Variants in CACNA1C observed in about 807,000 individuals in gnomAD.
The protein encoded by CACNA1C is calcium voltage-gated channel subunit alpha1 C, also known as voltage-dependent L-type calcium channel subunit alpha-1C.
In CACNA1C, 30 loss-of-function variants were observed where a neutral mutation model predicts 229.0. The observed-to-expected ratio is 0.13, with a 90% CI of 0.10 to 0.18. CACNA1C has a LOEUF of 0.18. CACNA1C is among the 10% of genes least tolerant of loss of function. CACNA1C has a pLI of 1.00. For synonymous variants in CACNA1C, 1,114 were observed against 1,132.5 expected (o/e 0.98, Z 0.33); for missense variants, 1,658 against 2,845.0 (o/e 0.58, Z 9.49).
intron 3 of CACNA1C, among the ~76,000 whole-genome samples, chr12:2,139,216 GGCTTCTAGGT>G (rs1404388269): frequency 6.6e-6 from 1 of 150,800 alleles, no homozygotes; most frequent in African/African-American, 2.4e-5. Context: ...GGCATCCCTT[GGCTTCTAGGT>G]GCCTCACTCC....
rs1262180281 is a variant in CACNA1C at position 2,595,457 on chromosome 12, C to T, written c.2664-417C>T. On this transcript the variant is annotated intron_variant, in intron 19 of 46. Coordinates refer to ENST00000399655, the MANE Select transcript of CACNA1C (RefSeq NM_000719.7). This position sits in a 1 kb window ranked among gnomAD's most constrained non-coding sequence, Gnocchi z 4.1. ...AAGCTATTACACAGGAGCAGATCAC[C>T]TACAGAGAGCCGGTTTGGCTGGCCT... Among the ~76,000 whole-genome samples, 2 of 152,150 alleles carry T rather than the reference C, an allele frequency of 1.3e-5. No individual in the cohort carries two copies. The highest frequency in any genetic ancestry group is 4.8e-5 in the African/African-American group (2 of 41,444).
At chr12:2,161,359 G>T (rs912770409) in intron 3 of CACNA1C, among the ~76,000 whole-genome samples, 2 of 152,158 alleles carry the variant, frequency 1.3e-5, no homozygotes, top group South Asian at 2.1e-4. Flanking sequence ...AGGACAGAGG[G>T]CTCCAGACAG....
intron 1 of CACNA1C, among the ~76,000 whole-genome samples, chr12:2,024,211 C>T (rs553188370): frequency 1.3e-5 from 2 of 152,194 alleles, no homozygotes; most frequent in Non-Finnish European, 2.9e-5. Flanking sequence ...ACCTGAGGCT[C>T]ATTATGAGAA....
At chr12:2,317,670 T>A (rs569670681) in intron 3 of CACNA1C, among the ~76,000 whole-genome samples, 1 of 152,316 alleles carries the variant, frequency 6.6e-6, no homozygotes, top group East Asian at 1.9e-4. Flanking sequence ...TTAAAAATAA[T>A]TAAAAATTTA....
chr12:2,168,614 A>C (rs958885215), intron 3 of CACNA1C, among the ~76,000 whole-genome samples: 1 of 152,210 alleles, frequency 6.6e-6, no homozygotes, highest in African/African-American at 2.4e-5. Flanking sequence ...GAATTTCTCC[A>C]GCTCTCCCTT....
chr12:2,441,786 GT>G (rs1260708521), intron 3 of CACNA1C, among the ~76,000 whole-genome samples: 7 of 152,184 alleles, frequency 4.6e-5, no homozygotes, highest in African/African-American at 1.4e-4. Flanking sequence ...TGCTTTTTGT[GT>G]GTATTCTCTG....
intron 3 of CACNA1C, among the ~76,000 whole-genome samples, chr12:2,284,180 C>T (rs936224781): frequency 1.3e-5 from 2 of 152,074 alleles, no homozygotes; most frequent in African/African-American, 4.8e-5. Context: ...GGGCCGATGT[C>T]TTTCAGATGT....
At chr12:2,102,665 G>A (rs139208689) in intron 1 of CACNA1C, among the ~76,000 whole-genome samples, 2,515 of 152,190 alleles carry the variant, frequency 0.017, 54 homozygotes, top group African/African-American at 0.046. Context: ...TAGACATGCC[G>A]TGGTGGTTTG....
In CACNA1C at chr12:2,375,093, T is replaced by G. The variant is rs2098005977; in HGVS notation, c.478-73883T>G. 3.3e-5 allele frequency among the ~76,000 whole-genome samples: 5 copies of G among 152,346 alleles called. No individual in the cohort carries two copies. The South Asian group carries it at 1.0e-3, about 32-fold the overall frequency. On this transcript the variant is annotated intron_variant, in intron 3 of 46. Transcript: ENST00000399655. ...AAATGAGACAGGATTAGTGATTCTT[T>G]CAAGGTCAGCAGGCTGGGGAAAGTC...
At chr12:2,489,585 C>T (rs2099709738) in intron 6 of CACNA1C, among the ~76,000 whole-genome samples, 1 of 152,286 alleles carries the variant, frequency 6.6e-6, no homozygotes, top group East Asian at 1.9e-4. Context: ...ACAGTAATTA[C>T]CCCTGAGACT....
chr12:2,607,295 T>C, intron 26 of CACNA1C, 165 bp downstream of exon 26: 1 of 647,538 alleles, frequency 1.5e-6, no homozygotes, highest in Admixed American at 3.2e-5. Context: ...TACAGTCCAC[T>C]GTCACTGCTG....
chr12:2,668,294 T>C (rs989458239), intron 37 of CACNA1C, among the ~76,000 whole-genome samples: 4 of 152,156 alleles, frequency 2.6e-5, no homozygotes, highest in African/African-American at 9.7e-5. Context: ...AGTGAAGGTC[T>C]AATGAGGACA....
chr12:2,336,267 C>T (rs753984799), intron 3 of CACNA1C, among the ~76,000 whole-genome samples: 1 of 152,204 alleles, frequency 6.6e-6, no homozygotes. Context: ...TGTATTGGTC[C>T]ATCTACTTTG....
chr12:2,490,608 C>T (rs1293718623), intron 6 of CACNA1C, among the ~76,000 whole-genome samples: 4 of 152,204 alleles, frequency 2.6e-5, no homozygotes, highest in African/African-American at 7.2e-5. Flanking sequence ...TCTTGGTTTT[C>T]CAGTCTCTCA....
At chr12:2,035,666 C>T (rs1394268645) in intron 1 of CACNA1C, among the ~76,000 whole-genome samples, 1 of 152,222 alleles carries the variant, frequency 6.6e-6, no homozygotes, top group Non-Finnish European at 1.5e-5. Flanking sequence ...AATATGTGCA[C>T]CTGCAGCCAG....
intron 7 of CACNA1C, among the ~76,000 whole-genome samples, chr12:2,501,942 A>G (rs1484067317): frequency 6.6e-6 from 1 of 152,174 alleles, no homozygotes; most frequent in Non-Finnish European, 1.5e-5. Flanking sequence ...TCTATTTTTA[A>G]CAATTGCCGA....
chr12:2,168,638 T>C (rs1027905845), intron 3 of CACNA1C, among the ~76,000 whole-genome samples: 8 of 152,198 alleles, frequency 5.3e-5, no homozygotes, highest in Non-Finnish European at 1.2e-4. Flanking sequence ...ACCTCCTGTA[T>C]CACAACAGGT....
intron 10 of CACNA1C, chr12:2,550,756 C>A: frequency 2.0e-6 from 2 of 1,005,028 alleles, no homozygotes; most frequent in Non-Finnish European, 2.7e-6. Context: ...AGAGCCTGGG[C>A]AAGCGCAGCC....
At chr12:2,557,054 G>T in intron 11 of CACNA1C, 77 bp downstream of exon 11, 1 of 1,205,778 alleles carries the variant, frequency 8.3e-7, no homozygotes, top group East Asian at 2.3e-5. Flanking sequence ...GTGGCCCAAG[G>T]TAATACCTAC....
Sources: gnomAD v4.1 joint callset for allele counts (sites outside exome capture counted in the v4.1 genomes callset) on GRCh38, gnomAD v4.1.1 for gene constraint, Gnocchi (gnomAD v3.1) non-coding constraint, MANE v1.5 for transcripts, NCBI Gene and HGNC (gene_info 2026-07-23, HGNC 2026-07-21) for gene names.